Variants in ARHGEF11 observed in about 807,000 individuals in gnomAD.
ARHGEF11 encodes the protein Rho guanine exchange factor (GEF) 11.
ARHGEF11 carries 55 observed loss-of-function variants against 193.7 expected under a neutral mutation model. The ratio of observed to expected loss-of-function variants is 0.28; its 90% confidence interval spans 0.23 to 0.36. ARHGEF11 has a LOEUF of 0.36. ARHGEF11 is among the 10% of genes least tolerant of loss of function. The pLI, the probability that ARHGEF11 is intolerant of heterozygous loss-of-function variation, is 1.00. For missense variants in ARHGEF11, 1,723 were observed against 2,005.6 expected (o/e 0.86, Z 2.69); for synonymous variants, 693 against 768.0 (o/e 0.90, Z 1.62).
intron 39 of ARHGEF11, 66 bp downstream of exon 39, chr1:156,937,183 T>C: frequency 6.2e-7 from 1 of 1,605,196 alleles, no homozygotes; most frequent in African/African-American, 1.3e-5. Context: ...CACATCTCAC[T>C]CATGGGGAAT....
chr1:157,028,796 T>C (rs376344049), intron 1 of ARHGEF11, among the ~76,000 whole-genome samples: 1 of 151,978 alleles, frequency 6.6e-6, no homozygotes, highest in Non-Finnish European at 1.5e-5. Context: ...ATTAAGGAAA[T>C]GCAAATCAAA....
At chr1:156,966,158 T>C (rs1159073530) in intron 11 of ARHGEF11, among the ~76,000 whole-genome samples, 1 of 152,206 alleles carries the variant, frequency 6.6e-6, no homozygotes, top group East Asian at 1.9e-4. Flanking sequence ...TGAGTAGGAT[T>C]ATCGTTTGCT....
rs1163779228 is a variant in ARHGEF11, at chr1:156,936,762, T to C, written c.4630+54A>G. ...CTGCTTAGTGATGTGTCCTCACGAG[T>C]TGGCAGACTTCTCCCCCAATGGTAG... On this transcript the variant is annotated intron_variant, in intron 40 of 40. Transcript: ENST00000368194. The C allele has an allele frequency of 9.6e-6, 15 of 1,568,422 alleles. 1 individual carries two copies. The highest frequency in any genetic ancestry group is 1.9e-4 in the Middle Eastern group (1 of 5,136).
chr1:156,994,971 A>T (rs1666272127), intron 1 of ARHGEF11, among the ~76,000 whole-genome samples: 1 of 151,996 alleles, frequency 6.6e-6, no homozygotes, highest in Admixed American at 6.6e-5. Context: ...TCAGTAAAAC[A>T]CTGCCGTGCA....
chr1:157,044,547 G>C lies in ARHGEF11; in HGVS notation c.-217C>G, dbSNP rs1055100368. On this transcript the variant is annotated 5_prime_UTR_variant, in exon 1 of 41. Transcript: ENST00000368194. ...TTCTCAGCCCCTCTTCCCCTCCCCC[G>C]CTTTAAAAAAAAAGAAAAGAAAAGA... The C allele has an allele frequency of 7.3e-6, 3 of 409,304 alleles. No homozygotes were observed. The highest frequency in any genetic ancestry group is 2.2e-5 in the African/African-American group (1 of 45,850). The allele number at this position is 409,304 out of a possible 1,614,324, so 25.4% of individuals were successfully genotyped here.
intron 1 of ARHGEF11, among the ~76,000 whole-genome samples, chr1:157,040,401 G>A (rs956543300): frequency 3.9e-5 from 6 of 152,138 alleles, no homozygotes; most frequent in Admixed American, 1.3e-4. Context: ...ACAGTTGCTG[G>A]GTCTAGATTT....
At position 156,979,742 on chromosome 1, in the gene ARHGEF11, A is replaced by G. The variant is rs12047363; in HGVS notation, c.274-456T>C. 6.6e-5 allele frequency among the ~76,000 whole-genome samples: 10 copies of G among 152,288 alleles called. No individual in the cohort carries two copies. In the East Asian group the frequency reaches 1.7e-3, roughly 26 times the overall value. On this transcript the variant is annotated intron_variant, in intron 4 of 40. Coordinates refer to ENST00000368194, the MANE Select transcript of ARHGEF11 (RefSeq NM_198236.3). ...GTCACTTGTTTACTCAAGTCACACT[A>G]TGAATTTGTTCTGTTTGTATCTGCT...
At chr1:156,945,820 G>A in intron 29 of ARHGEF11, 2 of 473,166 alleles carry the variant, frequency 4.2e-6, no homozygotes, top group Non-Finnish European at 7.6e-6. Context: ...GCCCACACAG[G>A]TGGCCTTCGA....
chr1:157,011,158 A>T (rs1295029679), intron 1 of ARHGEF11, among the ~76,000 whole-genome samples: 1 of 152,226 alleles, frequency 6.6e-6, no homozygotes, highest in Non-Finnish European at 1.5e-5. Flanking sequence ...GATCAATAAA[A>T]CAGAACATCC....
intron 4 of ARHGEF11, 75 bp from the exon 5 acceptor site, chr1:156,979,361 CTTTTTTTT>C (rs36031299): frequency 2.2e-5 from 11 of 506,084 alleles, no homozygotes; most frequent in South Asian, 4.9e-5. Flanking sequence ...CAAAATGCCA[CTTTTTTTT>C]TTTTTTTTTT....
intron 8 of ARHGEF11, among the ~76,000 whole-genome samples, chr1:156,970,484 G>C (rs1662350326): frequency 6.6e-6 from 1 of 152,240 alleles, no homozygotes; most frequent in Non-Finnish European, 1.5e-5. Context: ...GATGTTGATA[G>C]TGCTTTGCTG....
At chr1:157,007,815 ATT>A (rs1668008050) in intron 1 of ARHGEF11, among the ~76,000 whole-genome samples, 8 of 151,460 alleles carry the variant, frequency 5.3e-5, no homozygotes, top group Non-Finnish European at 8.8e-5. Context: ...CTGTAACCAT[ATT>A]ATCTAATACA....
chr1:156,967,469 A>AG (rs2102256773), intron 11 of ARHGEF11, among the ~76,000 whole-genome samples: 1 of 152,268 alleles, frequency 6.6e-6, no homozygotes, highest in South Asian at 2.1e-4. Flanking sequence ...CACCCTTGAG[A>AG]GCAGGGCCTT....
At position 156,943,959 on chromosome 1, in the gene ARHGEF11, C is replaced by T. The variant is rs370713584; in HGVS notation, c.3211G>A (p.Val1071Met). 17 of 1,613,776 alleles carry T rather than the reference C, an allele frequency of 1.1e-5. No individual in the cohort carries two copies. In the Admixed American group the frequency reaches 1.7e-4, roughly 16 times the overall value. ...CCTGTGGCCACAGAGCGGATGAGCA[C>T]AGCATTGAGCTTGAGCACGGGGCTG... Reference protein sequence around the residue: ...TFSPVLKLNAVLIRSVATDKR... With the variant: ...TFSPVLKLNAMLIRSVATDKR... Residue 1071 changes from valine (V) to methionine (M), a missense_variant, in exon 32 of 41, where the codon GTG becomes ATG. Around this residue, in one of 5 missense-constraint regions of ARHGEF11, gnomAD observed 23 missense variants for 58.7 expected, o/e 0.39. Transcript: ENST00000368194.
intron 1 of ARHGEF11, among the ~76,000 whole-genome samples, chr1:157,034,208 T>C (rs1470264769): frequency 6.6e-6 from 1 of 152,184 alleles, no homozygotes; most frequent in Non-Finnish European, 1.5e-5. Context: ...AGCTATTTAC[T>C]ACACTCTCTC....
At chr1:157,031,265 G>A (rs1347026027) in intron 1 of ARHGEF11, among the ~76,000 whole-genome samples, 1 of 151,978 alleles carries the variant, frequency 6.6e-6, no homozygotes, top group East Asian at 1.9e-4. Flanking sequence ...TCTTAACAAG[G>A]GAGTGGTCTC....
rs1234828579 is a variant in ARHGEF11, at chr1:157,044,984, G to C, written c.-654C>G. 2 of 150,944 alleles carry C rather than the reference G, an allele frequency of 1.3e-5. No individual in the cohort carries two copies. Among genetic ancestry groups the C allele is most frequent in the Non-Finnish European group, 2.9e-5 (2 of 68,166 alleles). The allele number at this position is 150,944 out of a possible 1,614,324, so 9.4% of individuals were successfully genotyped here. On this transcript the variant is annotated 5_prime_UTR_variant, in exon 1 of 41. Coordinates refer to ENST00000368194, the MANE Select transcript of ARHGEF11 (RefSeq NM_198236.3). ...CACAACAGCACTCCTTCCAAGTCCA[G>C]TGCAACCCTGGGAACCAAAATTTAT...
intron 22 of ARHGEF11, among the ~76,000 whole-genome samples, chr1:156,949,713 C>T (rs1377352921): frequency 6.6e-6 from 1 of 152,186 alleles, no homozygotes; most frequent in Non-Finnish European, 1.5e-5. Flanking sequence ...CCACAACAAA[C>T]ACCCAGTGGA....
In ARHGEF11 at chr1:156,942,047, A is replaced by G; in HGVS notation, c.3327-58T>C. The G allele has an allele frequency of 1.9e-6, 3 of 1,611,322 alleles. No homozygotes were observed. In the South Asian group the frequency reaches 3.3e-5, roughly 18 times the overall value. On this transcript the variant is annotated intron_variant, in intron 33 of 40. Coordinates refer to ENST00000368194, the MANE Select transcript of ARHGEF11 (RefSeq NM_198236.3). ...TGAGAGCAAGATAGCAGCACGCACC[A>G]CCCCGTACTGAGCCCACTGGAACAG...
Sources: gnomAD v4.1 joint callset for allele counts (sites outside exome capture counted in the v4.1 genomes callset) on GRCh38, gnomAD v4.1.1 for gene constraint, gnomAD v4.1.1 regional missense constraint, MANE v1.5 for transcripts, NCBI Gene and HGNC (gene_info 2026-07-23, HGNC 2026-07-21) for gene names.